Variants in FRMD4A observed in about 807,000 individuals in gnomAD.
The protein encoded by FRMD4A is FERM domain-containing protein 4A.
In FRMD4A, 29 loss-of-function variants were observed where a neutral mutation model predicts 129.1. The observed-to-expected ratio is 0.22, with a 90% CI of 0.17 to 0.31. The LOEUF is 0.31. Among genes scored for constraint, FRMD4A ranks in the 10% least tolerant of loss-of-function variants. The probability of loss-of-function intolerance (pLI) is 1.00; values close to 1 mark genes in which losing one functional copy is unlikely to be tolerated. For missense variants in FRMD4A, 1,272 were observed against 1,375.8 expected, an observed-to-expected ratio of 0.92 and a Z score of 1.19; for synonymous variants, 634 against 571.6, an observed-to-expected ratio of 1.11 and a Z score of -1.56.
intron 2 of FRMD4A, among the ~76,000 whole-genome samples, chr10:14,279,912 G>A (rs192842455): frequency 6.6e-6 from 1 of 152,308 alleles, no homozygotes; most frequent in East Asian, 1.9e-4. Context: ...GTCTTCGCAG[G>A]TCCCACGTTT....
At chr10:14,092,854 G>A (rs1444360182) in intron 2 of FRMD4A, among the ~76,000 whole-genome samples, 12 of 152,216 alleles carry the variant, frequency 7.9e-5, no homozygotes, top group Admixed American at 7.8e-4. Context: ...ACTAGATGAG[G>A]TCAACTGCTC....
At chr10:13,935,066 G>A (rs1217398599) in intron 2 of FRMD4A, among the ~76,000 whole-genome samples, 3 of 152,058 alleles carry the variant, frequency 2.0e-5, no homozygotes, top group Non-Finnish European at 2.9e-5. Flanking sequence ...TCCCGTTCAT[G>A]AATTTTGGGG....
chr10:13,679,776 C>G (rs1375158557), intron 15 of FRMD4A, among the ~76,000 whole-genome samples: 1 of 152,068 alleles, frequency 6.6e-6, no homozygotes, highest in Non-Finnish European at 1.5e-5. Context: ...CGCTGCTCTA[C>G]CTCAGGGCTT....
At chr10:14,089,640 C>CAAAAAAAAAAAAAAAAAAAAAAAAAAA (rs759243260) in intron 2 of FRMD4A, among the ~76,000 whole-genome samples, 1 of 70,264 alleles carries the variant, frequency 1.4e-5, no homozygotes, top group African/African-American at 5.0e-5. Flanking sequence ...CAAAAAAAAA[C>CAAAAAAAAAAAAAAAAAAAAAAAAAAA]AAACAAAAAA....
intron 19 of FRMD4A, among the ~76,000 whole-genome samples, chr10:13,662,843 C>T (rs1293588328): frequency 6.6e-6 from 1 of 152,156 alleles, no homozygotes; most frequent in African/African-American, 2.4e-5. Context: ...TCAATTTCTA[C>T]CCTTTTCTTT....
At chr10:14,101,683 T>A (rs1242718002) in intron 2 of FRMD4A, among the ~76,000 whole-genome samples, 2 of 152,074 alleles carry the variant, frequency 1.3e-5, no homozygotes, top group African/African-American at 4.8e-5. Context: ...ATGGTCACCA[T>A]CTCCATGCTG....
intron 13 of FRMD4A, among the ~76,000 whole-genome samples, chr10:13,703,025 TAAAAG>T (rs987128982): frequency 6.6e-5 from 10 of 151,888 alleles, no homozygotes; most frequent in African/African-American, 2.4e-4. Flanking sequence ...TCTCTAAATT[TAAAAG>T]AAAACAGGGA....
At chr10:13,740,969 G>C (rs1240685290) in intron 9 of FRMD4A, among the ~76,000 whole-genome samples, 1 of 151,990 alleles carries the variant, frequency 6.6e-6, no homozygotes, top group Non-Finnish European at 1.5e-5. Flanking sequence ...TGGGACTACA[G>C]GTGCGTGCCA....
At chr10:14,251,781 G>A (rs535290213) in intron 2 of FRMD4A, among the ~76,000 whole-genome samples, 1 of 152,146 alleles carries the variant, frequency 6.6e-6, no homozygotes, top group Non-Finnish European at 1.5e-5. Flanking sequence ...TGAACCCAGA[G>A]GCAAATTACT....
At chr10:14,139,356 T>C (rs1020376946) in intron 2 of FRMD4A, among the ~76,000 whole-genome samples, 5 of 152,228 alleles carry the variant, frequency 3.3e-5, no homozygotes, top group African/African-American at 1.2e-4. Context: ...GCTGAAGTCA[T>C]AAGCTAAGCA....
intron 2 of FRMD4A, among the ~76,000 whole-genome samples, chr10:14,075,738 T>C (rs1835554467): frequency 1.1e-5 from 1 of 92,982 alleles, no homozygotes; most frequent in African/African-American, 4.3e-5. Flanking sequence ...ATAGTGTGTG[T>C]GTATATTTTA....
intron 2 of FRMD4A, among the ~76,000 whole-genome samples, chr10:14,084,861 C>T (rs571025341): frequency 4.6e-5 from 7 of 152,356 alleles, no homozygotes; most frequent in East Asian, 1.9e-4. Flanking sequence ...GCTGTCTGTC[C>T]GTGCTTTTTC....
intron 2 of FRMD4A, among the ~76,000 whole-genome samples, chr10:14,172,033 C>T (rs998152371): frequency 6.6e-6 from 1 of 152,210 alleles, no homozygotes; most frequent in African/African-American, 2.4e-5. Flanking sequence ...TAAAACCAAG[C>T]CTTGCCAATG....
chr10:13,754,930 T>C (rs1411950944), intron 8 of FRMD4A, among the ~76,000 whole-genome samples: 1 of 152,202 alleles, frequency 6.6e-6, no homozygotes, highest in African/African-American at 2.4e-5. Flanking sequence ...TAGGGAAATA[T>C]GCCCCAAATG....
intron 2 of FRMD4A, among the ~76,000 whole-genome samples, chr10:13,863,909 A>G (rs1174022675): frequency 1.3e-5 from 2 of 152,212 alleles, no homozygotes; most frequent in East Asian, 3.8e-4. Context: ...GCAACTTCAG[A>G]ACATTCTGCT....
chr10:13,965,859 C>G (rs1042561492), intron 2 of FRMD4A, among the ~76,000 whole-genome samples: 2 of 152,184 alleles, frequency 1.3e-5, no homozygotes, highest in African/African-American at 2.4e-5. Flanking sequence ...AAAGACCAGG[C>G]AACCAAAATA....
Position 13,685,354 on chromosome 10 carries a change from C to CAG in FRMD4A, c.1117+8542_1117+8543dup, listed in dbSNP as rs1045022824. The CAG allele has an allele frequency of 5.1e-6, 5 of 984,704 alleles. No individual in the cohort carries two copies. The South Asian group carries it at 1.9e-4, about 37-fold the overall frequency. The allele number at this position is 984,704 out of a possible 1,614,324, so 61.0% of individuals were successfully genotyped here. ...GGTGAAGAGTGCAAATGTAATTTAA[C>CAG]AGAGAGAGAGGAGAATGGAAAAAAA... On this transcript the variant is annotated intron_variant, in intron 15 of 24. Coordinates refer to ENST00000357447, the MANE Select transcript of FRMD4A (RefSeq NM_018027.5).
At chr10:13,736,658 G>T (rs1035893515) in intron 12 of FRMD4A, among the ~76,000 whole-genome samples, 3 of 152,150 alleles carry the variant, frequency 2.0e-5, no homozygotes, top group Non-Finnish European at 4.4e-5. Flanking sequence ...ATGTAGTGTG[G>T]GTTTCAATCC....
At chr10:13,958,067 C>T (rs1328326918) in intron 2 of FRMD4A, among the ~76,000 whole-genome samples, 2 of 152,142 alleles carry the variant, frequency 1.3e-5, no homozygotes, top group African/African-American at 4.8e-5. Context: ...CGGGATTTCT[C>T]ACCTGGCCCC....
Sources: gnomAD v4.1 joint callset for allele counts (sites outside exome capture counted in the v4.1 genomes callset) on GRCh38, gnomAD v4.1.1 for gene constraint, MANE v1.5 for transcripts, NCBI Gene and HGNC (gene_info 2026-07-23, HGNC 2026-07-21) for gene names.